The following RASGRP2 variants were observed in gnomAD, a reference collection of about 807,000 sequenced individuals.
The protein encoded by RASGRP2 is RAS guanyl-releasing protein 2.
In RASGRP2, 44 loss-of-function variants were observed where a neutral mutation model predicts 71.0. The observed-to-expected ratio is 0.62, with a 90% CI of 0.49 to 0.80. The LOEUF is 0.80. Ranked by LOEUF, RASGRP2 falls within the 30% of genes least tolerant of loss-of-function variation. The pLI is 0.00. For missense variants in RASGRP2, 663 were observed against 813.4 expected (o/e 0.82, Z 2.25); for synonymous variants, 350 against 330.7 (o/e 1.06, Z -0.63).
At position 64,735,087 on chromosome 11, in the gene RASGRP2, C is replaced by T. The variant is rs370805811; in HGVS notation, c.1412+25G>A. ...AAGTGGGCTGAGTTGCCTTCCCTCT[C>T]CCCCAGGTCCCCAGCCCTCCTCACT... On this transcript the variant is annotated intron_variant, in intron 12 of 16. Transcript: ENST00000394432. The surrounding 1 kb of genome is among the most constrained non-coding windows in gnomAD (Gnocchi z 4.2). The T allele has an allele frequency of 8.9e-6, 14 of 1,568,252 alleles. No individual in the cohort carries two copies. The highest frequency in any genetic ancestry group is 1.1e-5 in the Non-Finnish European group (13 of 1,138,286).
intron 5 of RASGRP2, 164 bp from the exon 6 acceptor site, chr11:64,740,327 G>A (rs546323): frequency 1.3e-5 from 10 of 794,608 alleles, no homozygotes; most frequent in South Asian, 4.4e-5. Flanking sequence ...CATCTCCCCC[G>A]ACCCCGTCAT....
chr11:64,735,997 T>C lies in RASGRP2; in HGVS notation c.1096-17A>G. On this transcript the variant is annotated splice_polypyrimidine_tract_variant and intron_variant, in intron 9 of 16. Coordinates refer to ENST00000394432, the MANE Select transcript of RASGRP2 (RefSeq NM_001098671.2). The surrounding 1 kb of genome is among the most constrained non-coding windows in gnomAD (Gnocchi z 4.2). ...CAGAGACACCTGGGACACACAGATC[T>C]GATCACCCCCACTGGCCCCTGCCCA... 2 of 1,611,264 alleles carry C rather than the reference T, an allele frequency of 1.2e-6. No homozygotes were observed. Among genetic ancestry groups the C allele is most frequent in the Non-Finnish European group, 1.7e-6 (2 of 1,177,852 alleles).
Position 64,727,347 on chromosome 11 carries a change from C to G in RASGRP2, c.1785G>C (p.Glu595Asp), listed in dbSNP as rs1428336146. 6.2e-7 allele frequency: 1 copy of G among 1,613,968 alleles called. No homozygotes were observed. Among genetic ancestry groups the G allele is most frequent in the Non-Finnish European group, 8.5e-7 (1 of 1,179,916 alleles). ...RGSRPPEIRE[E>D]EVQTVEDGVF... is the part of the protein sequence containing the mutation. ...CCCCATCCTCCACCGTCTGTACCTC[C>G]TCCTCACGGATCTCTGCTGGGAGGG... The change falls in exon 16 of 17, where the codon GAG (glutamate) becomes GAC (aspartate). Residue 595 changes from glutamate to aspartate, a missense_variant. Glu to Asp is a conservative substitution (Grantham distance 45). Transcript: ENST00000394432.
chr11:64,744,607 C>A, upstream of RASGRP2: 1 of 152,226 alleles, frequency 6.6e-6, no homozygotes, highest in Non-Finnish European at 1.5e-5. Context: ...CCGCTGCCCC[C>A]TCTCCCAGAC....
At position 64,739,325 on chromosome 11, in the gene RASGRP2, C is replaced by G; in HGVS notation, c.813+35G>C. On this transcript the variant is annotated intron_variant, in intron 8 of 16. Coordinates refer to ENST00000394432, the MANE Select transcript of RASGRP2 (RefSeq NM_001098671.2). This position sits in a 1 kb window ranked among gnomAD's most constrained non-coding sequence, Gnocchi z 4.2. ...CTGGGAGGACCCAGTGAAGACAGAC[C>G]TGGGAAGCACCGGCCCCTCCCCAGT... 1.3e-6 allele frequency: 2 copies of G among 1,545,614 alleles called. No individual in the cohort carries two copies. The highest frequency in any genetic ancestry group is 1.8e-6 in the Non-Finnish European group (2 of 1,117,712).
intron 12 of RASGRP2, among the ~76,000 whole-genome samples, chr11:64,734,401 A>G (rs1346552677): frequency 6.6e-6 from 1 of 151,886 alleles, no homozygotes. Flanking sequence ...GATCCTGCCA[A>G]CTCAGTCTCC....
At position 64,737,009 on chromosome 11, in the gene RASGRP2, A is replaced by G. The variant is rs764148903; in HGVS notation, c.839T>C (p.Val280Ala). ...GTTGCCATAGTTGCCTGTCGCCGTC[A>G]CTAGTTCCGTGAGACCCTCCCAGAG... ...IKLWEGLTEL[V>A]TATGNYGNYR... The change falls in exon 9 of 17, where the codon GTG becomes GCG. Residue 280 changes from valine to alanine, a missense_variant. Transcript: ENST00000394432. 3.1e-6 allele frequency: 5 copies of G among 1,613,862 alleles called. No individual in the cohort carries two copies. The highest frequency in any genetic ancestry group is 4.2e-6 in the Non-Finnish European group (5 of 1,180,018).
Position 64,739,835 on chromosome 11 carries a change from C to A in RASGRP2, c.523-26G>T, listed in dbSNP as rs1188542794. On this transcript the variant is annotated intron_variant, in intron 6 of 16. Coordinates refer to ENST00000394432, the MANE Select transcript of RASGRP2 (RefSeq NM_001098671.2). The surrounding 1 kb of genome is among the most constrained non-coding windows in gnomAD (Gnocchi z 4.2). ...CTGGGGGCATGAGGAGTGGCCTCAG[C>A]ACCTTGCTGGCCTCTCCCCTCACTG... 6.2e-7 allele frequency: 1 copy of A among 1,612,924 alleles called. No homozygotes were observed. Among genetic ancestry groups the A allele is most frequent in the Admixed American group, 1.7e-5 (1 of 59,988 alleles).
rs1256294415 is a variant in RASGRP2 at position 64,743,676 on chromosome 11, C to T, written c.-72+327G>A. The T allele has an allele frequency of 2.5e-6, 1 of 406,138 alleles. No individual in the cohort carries two copies. The highest frequency in any genetic ancestry group is 3.0e-5 in the Admixed American group (1 of 33,748). The allele number at this position is 406,138 out of a possible 1,614,324, so 25.2% of individuals were successfully genotyped here. A position where few individuals can be genotyped will look rare whatever the true frequency, so the allele number is the denominator to read the frequency against. On this transcript the variant is annotated intron_variant, in intron 1 of 16. Coordinates refer to ENST00000394432, the MANE Select transcript of RASGRP2 (RefSeq NM_001098671.2). This position sits in a 1 kb window ranked among gnomAD's most constrained non-coding sequence, Gnocchi z 4.9. ...CCCTCTTCCTCCCTATCCCCGGCTC[C>T]TGACCCTGGCCCCGGCCCCGCACAG...
intron 12 of RASGRP2, among the ~76,000 whole-genome samples, chr11:64,731,279 C>T (rs1159570360): frequency 6.6e-6 from 1 of 151,520 alleles, no homozygotes; most frequent in African/African-American, 2.4e-5. Flanking sequence ...TCACTTGAAC[C>T]TGGGAGGTGG....
Position 64,735,012 on chromosome 11 carries a change from A to C in RASGRP2, c.1412+100T>G. The C allele has an allele frequency of 1.0e-6, 1 of 970,360 alleles. No homozygotes were observed. Among genetic ancestry groups the C allele is most frequent in the Non-Finnish European group, 1.7e-6 (1 of 600,724 alleles). 60.1% of individuals were successfully genotyped at this position (970,360 alleles called of 1,614,324 possible). A position where few individuals can be genotyped will look rare whatever the true frequency, so the allele number is the denominator to read the frequency against. On this transcript the variant is annotated intron_variant, in intron 12 of 16. Coordinates refer to ENST00000394432, the MANE Select transcript of RASGRP2 (RefSeq NM_001098671.2). The surrounding 1 kb of genome is among the most constrained non-coding windows in gnomAD (Gnocchi z 4.2). ...ACTGGCAGCTTCCCAGGCCAAGATCATCTGGCTCAGTGACCTCATCTTGCA... is the reference window on the plus strand; with the variant it reads ...ACTGGCAGCTTCCCAGGCCAAGATCCTCTGGCTCAGTGACCTCATCTTGCA...
intron 8 of RASGRP2, among the ~76,000 whole-genome samples, chr11:64,737,413 G>T (rs989769358): frequency 2.6e-5 from 4 of 152,116 alleles, no homozygotes; most frequent in African/African-American, 9.7e-5. Context: ...GCTCACACTT[G>T]TAATCTCAGC....
In RASGRP2 at chr11:64,742,248, TC is replaced by T. The variant is rs2058152643; in HGVS notation, c.74-137del. ...CGCCCACCTCCTGCTTGCCCAGGACTCCGAGAGCAGGAGGCAAATTAGAGAG... is the reference window on the plus strand; with the variant it reads ...CGCCCACCTCCTGCTTGCCCAGGACTCGAGAGCAGGAGGCAAATTAGAGAG... On this transcript the variant is annotated intron_variant, in intron 2 of 16. Transcript: ENST00000394432. The surrounding 1 kb of genome is among the most constrained non-coding windows in gnomAD (Gnocchi z 4.7). 5.5e-6 allele frequency: 4 copies of T among 732,282 alleles called. No homozygotes were observed. Among genetic ancestry groups the T allele is most frequent in the Non-Finnish European group, 9.9e-6 (4 of 405,510 alleles). 45.4% of individuals were successfully genotyped at this position (732,282 alleles called of 1,614,324 possible).
chr11:64,737,227 C>G, intron 8 of RASGRP2, 193 bp from the exon 9 acceptor site: 1 of 650,520 alleles, frequency 1.5e-6, no homozygotes, highest in South Asian at 1.8e-5. Context: ...CAAGGCAATA[C>G]TCACTGCCAA....
intron 13 of RASGRP2, 122 bp from the exon 14 acceptor site, chr11:64,729,920 G>A: frequency 6.4e-7 from 1 of 1,556,610 alleles, no homozygotes; most frequent in Non-Finnish European, 8.8e-7. Context: ...AGAACCACAG[G>A]AGGAGAGGCA....
rs903185101 is a variant in RASGRP2, at chr11:64,727,086, G to T, written c.*52C>A. On this transcript the variant is annotated 3_prime_UTR_variant, in exon 17 of 17. Transcript: ENST00000394432. ...CACCCCCAGGCTCCCTGCTCTGGTT[G>T]AAGTATTTTCTCCAAGGCAGGAATG... 2.2e-6 allele frequency: 1 copy of T among 448,760 alleles called. No homozygotes were observed. Among genetic ancestry groups the T allele is most frequent in the Non-Finnish European group, 4.3e-6 (1 of 233,500 alleles). The allele number at this position is 448,760 out of a possible 1,614,324, so 27.8% of individuals were successfully genotyped here.
Position 64,730,089 on chromosome 11 carries a change from G to C in RASGRP2, c.1518C>G (p.Ser506=). The change falls in exon 13 of 17, where the codon TCC becomes TCG. Residue 506 remains serine, a synonymous_variant. Transcript: ENST00000394432. ...AGTGGCGGCAGGCGACGGGGCGCAA[G>C]GAGTTGCTCTCCTGGAAGTTGTGTA... ...GFVHNFQESN[S]LRPVACRHCK... 6.4e-7 allele frequency: 1 copy of C among 1,550,484 alleles called. No individual in the cohort carries two copies. The highest frequency in any genetic ancestry group is 8.7e-7 in the Non-Finnish European group (1 of 1,147,278).
At chr11:64,741,883 A>C in intron 3 of RASGRP2, 127 bp downstream of exon 3, 2 of 838,660 alleles carry the variant, frequency 2.4e-6, no homozygotes, top group Non-Finnish European at 4.0e-6. Flanking sequence ...GGCTGGGACG[A>C]CGCCTGAGCT....
chr11:64,739,915 T>A lies in RASGRP2; in HGVS notation c.522+98A>T. 6.2e-7 allele frequency: 1 copy of A among 1,606,840 alleles called. No homozygotes were observed. The highest frequency in any genetic ancestry group is 8.5e-7 in the Non-Finnish European group (1 of 1,175,856). On this transcript the variant is annotated intron_variant, in intron 6 of 16. Coordinates refer to ENST00000394432, the MANE Select transcript of RASGRP2 (RefSeq NM_001098671.2). This position sits in a 1 kb window ranked among gnomAD's most constrained non-coding sequence, Gnocchi z 4.2. ...TCAGTGGTTACACTGAAACCCCTGA[T>A]GCACCCTGTGACCCAGCCTACGCCA...
Sources: allele counts gnomAD v4.1 joint callset (sites outside exome capture counted in the v4.1 genomes callset), GRCh38; gene constraint gnomAD v4.1.1; non-coding constraint Gnocchi (gnomAD v3.1); transcripts MANE v1.5; gene names NCBI Gene and HGNC (gene_info 2026-07-23, HGNC 2026-07-21).